The following MYLK3 variants were observed in gnomAD, a reference collection of about 807,000 sequenced individuals.
MYLK3 encodes the protein MLC kinase.
MYLK3 carries 55 observed loss-of-function variants against 76.3 expected under a neutral mutation model. The ratio of observed to expected loss-of-function variants is 0.72; its 90% CI spans 0.58 to 0.90. The LOEUF (loss-of-function observed/expected upper bound fraction) is 0.90, where lower values mean the gene tolerates loss of function less well. Among genes scored for constraint, MYLK3 ranks in the 40% least tolerant of loss-of-function variants. The probability of loss-of-function intolerance (pLI) is 0.00; values close to 1 mark genes in which losing one functional copy is unlikely to be tolerated. For synonymous variants in MYLK3, 416 were observed against 425.4 expected (o/e 0.98, Z 0.27); for missense variants, 973 against 1,053.6 (o/e 0.92, Z 1.06).
intron 3 of MYLK3, among the ~76,000 whole-genome samples, chr16:46,732,955 C>T (rs1046442582): frequency 6.6e-6 from 1 of 152,172 alleles, no homozygotes; most frequent in Non-Finnish European, 1.5e-5. Context: ...GCGGGAGGCC[C>T]GGGTCCCTCT....
intron 1 of MYLK3, among the ~76,000 whole-genome samples, chr16:46,759,197 G>A (rs1442426936): frequency 6.6e-6 from 1 of 152,236 alleles, no homozygotes; most frequent in Non-Finnish European, 1.5e-5. Flanking sequence ...ACCCCTGGGC[G>A]AAGACTTCTC....
At chr16:46,711,536 T>C (rs1966683848) in intron 10 of MYLK3, 1 of 295,622 alleles carries the variant, frequency 3.4e-6, no homozygotes, top group Non-Finnish European at 6.8e-6. Context: ...CTTTAAACAG[T>C]GCCTCATTCT....
At chr16:46,745,875 G>C (rs949177468) in intron 1 of MYLK3, among the ~76,000 whole-genome samples, 1 of 152,078 alleles carries the variant, frequency 6.6e-6, no homozygotes, top group African/African-American at 2.4e-5. Flanking sequence ...GCCTCTATCT[G>C]GAAGGATTCA....
At chr16:46,761,805 G>A (rs1435174365) in intron 1 of MYLK3, among the ~76,000 whole-genome samples, 4 of 151,898 alleles carry the variant, frequency 2.6e-5, no homozygotes, top group Admixed American at 2.0e-4. Context: ...GCAACAGAGC[G>A]AGACTCCATT....
chr16:46,757,397 C>T lies in MYLK3; in HGVS notation c.-114+5643G>A, dbSNP rs370671855. ...TGTTCCTCAGGCTCTTACTTCAAAG[C>T]ACACTTGCCCAGAGCTGCCCTTACC... On this transcript the variant is annotated intron_variant, in intron 1 of 11. Coordinates refer to the MYLK3 transcript ENST00000536476. 38 of 985,338 alleles carry T rather than the reference C, an allele frequency of 3.9e-5. No individual in the cohort carries two copies. In the East Asian group the frequency reaches 1.0e-3, roughly 26 times the overall value. 61.0% of individuals were successfully genotyped at this position (985,338 alleles called of 1,614,324 possible).
At chr16:46,761,645 G>A (rs564940093) in intron 1 of MYLK3, among the ~76,000 whole-genome samples, 3 of 151,696 alleles carry the variant, frequency 2.0e-5, no homozygotes, top group South Asian at 2.1e-4. Flanking sequence ...GGCGAAACCC[G>A]GTCTCTACTA....
At chr16:46,736,863 G>A (rs889519821) in intron 3 of MYLK3, among the ~76,000 whole-genome samples, 20 of 152,126 alleles carry the variant, frequency 1.3e-4, no homozygotes, top group African/African-American at 4.6e-4. Flanking sequence ...CCTGGGGACC[G>A]GGACGTGCTG....
chr16:46,749,578 G>C (rs532253663), upstream of MYLK3, among the ~76,000 whole-genome samples: 3 of 152,170 alleles, frequency 2.0e-5, no homozygotes, highest in African/African-American at 7.2e-5. Flanking sequence ...GCAACATGGC[G>C]AGACCTGGTC....
chr16:46,756,496 G>T (rs764222665), intron 1 of MYLK3, among the ~76,000 whole-genome samples: 8 of 152,238 alleles, frequency 5.3e-5, no homozygotes, highest in Non-Finnish European at 1.2e-4. Flanking sequence ...ACCAGGACAG[G>T]AGACGGGTTA....
At chr16:46,712,523 A>G (rs1168939505) in intron 10 of MYLK3, 125 bp downstream of exon 10, 3 of 828,152 alleles carry the variant, frequency 3.6e-6, no homozygotes, top group East Asian at 3.0e-5. Flanking sequence ...CTATTCCTCT[A>G]TTGGGGTTTC....
chr16:46,747,516 T>C (rs2143017118), intron 1 of MYLK3, among the ~76,000 whole-genome samples: 1 of 152,334 alleles, frequency 6.6e-6, no homozygotes, highest in Non-Finnish European at 1.5e-5. Context: ...GCTTCTTCCC[T>C]TCCCTGGGGA....
intron 8 of MYLK3, chr16:46,726,705 GAAAGAAAGAA>G (rs1426311774): frequency 4.5e-5 from 6 of 134,652 alleles, no homozygotes; most frequent in Non-Finnish European, 8.0e-5. Context: ...AAGAAAGAAA[GAAAGAAAGAA>G]AGAAAGAAAG....
intron 12 of MYLK3, among the ~76,000 whole-genome samples, chr16:46,708,003 T>G (rs1348714933): frequency 1.3e-5 from 2 of 151,844 alleles, no homozygotes; most frequent in South Asian, 2.1e-4. Context: ...TTTCTTTTTT[T>G]GGGGAGGGGG....
Position 46,742,447 on chromosome 16 carries a change from A to AACAC in MYLK3, c.478-2304_478-2301dup, listed in dbSNP as rs57671045. On this transcript the variant is annotated intron_variant, in intron 1 of 12. Coordinates refer to ENST00000394809, the MANE Select transcript of MYLK3 (RefSeq NM_182493.3). ...GACAGGCACCTGTAATCCCAGCAAA[A>AACAC]ACACACACACACACACACACACACA... Among the ~76,000 whole-genome samples, 647 of 131,168 alleles carry AACAC rather than the reference A, an allele frequency of 4.9e-3. 3 individuals carry two copies. Among genetic ancestry groups the AACAC allele is most frequent in the African/African-American group, 7.2e-3 (255 of 35,632 alleles). The allele number at this position is 131,168 out of a possible 152,430, so 86.1% of individuals were successfully genotyped here. A position where few individuals can be genotyped will look rare whatever the true frequency, so the allele number is the denominator to read the frequency against.
chr16:46,747,609 C>T, intron 1 of MYLK3, 108 bp downstream of exon 1: 2 of 1,091,400 alleles, frequency 1.8e-6, no homozygotes, highest in Non-Finnish European at 2.7e-6. Context: ...ACAGGTCACA[C>T]AGGAAGGGGA....
chr16:46,726,423 T>C (rs978471056), intron 8 of MYLK3: 2 of 151,744 alleles, frequency 1.3e-5, no homozygotes, highest in African/African-American at 4.8e-5. Flanking sequence ...AATACAAAAA[T>C]TAGCCAAGTG....
chr16:46,747,153 T>G (rs1967041342), intron 1 of MYLK3, among the ~76,000 whole-genome samples: 1 of 152,156 alleles, frequency 6.6e-6, no homozygotes, highest in Non-Finnish European at 1.5e-5. Flanking sequence ...TATGCAACTC[T>G]TAGGAACAGC....
intron 1 of MYLK3, among the ~76,000 whole-genome samples, chr16:46,744,875 G>C (rs1966997202): frequency 6.6e-6 from 1 of 152,088 alleles, no homozygotes; most frequent in Non-Finnish European, 1.5e-5. Flanking sequence ...TTTTTTAGGT[G>C]TGATGATAGT....
At chr16:46,709,501 T>C (rs759173128) in intron 12 of MYLK3, 38 bp downstream of exon 12, 20 of 1,593,718 alleles carry the variant, frequency 1.3e-5, no homozygotes, top group Non-Finnish European at 1.7e-5. Flanking sequence ...CAGATTAGGA[T>C]GACAAATTCC....
Sources: allele counts gnomAD v4.1 joint callset (sites outside exome capture counted in the v4.1 genomes callset), GRCh38; gene constraint gnomAD v4.1.1; transcripts MANE v1.5; gene names NCBI Gene and HGNC (gene_info 2026-07-23, HGNC 2026-07-21).